Variants in NAALADL2 observed in about 807,000 individuals in gnomAD.
NAALADL2 encodes N-acetylated alpha-linked acidic dipeptidase like 2.
In NAALADL2, 76 loss-of-function variants were observed where a neutral mutation model predicts 87.2. The ratio of observed to expected loss-of-function variants is 0.87; its 90% CI spans 0.72 to 1.05. The LOEUF (loss-of-function observed/expected upper bound fraction) is 1.05. NAALADL2 is among the 50% of genes least tolerant of loss of function. The pLI, the probability that NAALADL2 is intolerant of heterozygous loss-of-function variation, is 0.00. For missense variants in NAALADL2, 1,089 were observed against 945.8 expected (o/e 1.15, Z -1.99); for synonymous variants, 354 against 331.0 (o/e 1.07, Z -0.75).
At chr3:175,492,853 C>T (rs889600060) in intron 9 of NAALADL2, among the ~76,000 whole-genome samples, 1 of 152,030 alleles carries the variant, frequency 6.6e-6, no homozygotes, top group East Asian at 1.9e-4. Flanking sequence ...TTCATAACTA[C>T]GTGACTGATA....
chr3:175,032,373 C>T (rs1752897921), intron 1 of NAALADL2, among the ~76,000 whole-genome samples: 1 of 151,962 alleles, frequency 6.6e-6, no homozygotes, highest in Non-Finnish European at 1.5e-5. Context: ...GCGGTAAGCT[C>T]TATTAAGCCT....
chr3:175,188,586 A>G (rs2109036848), intron 2 of NAALADL2, among the ~76,000 whole-genome samples: 1 of 152,186 alleles, frequency 6.6e-6, no homozygotes, highest in Admixed American at 6.5e-5. Context: ...CTCCAGGCCA[A>G]ATAGCTGCAA....
At chr3:175,228,290 A>G (rs1744447942) in intron 2 of NAALADL2, among the ~76,000 whole-genome samples, 1 of 151,990 alleles carries the variant, frequency 6.6e-6, no homozygotes, top group Non-Finnish European at 1.5e-5. Context: ...AGCTTAGGCC[A>G]TAATTCTTAA....
chr3:175,430,155 A>G (rs1201805169), intron 5 of NAALADL2, among the ~76,000 whole-genome samples: 3 of 151,886 alleles, frequency 2.0e-5, no homozygotes, highest in East Asian at 3.9e-4. Context: ...GGATCCTTTC[A>G]TCTTTAATAT....
At chr3:175,206,576 C>A (rs182395803) in intron 2 of NAALADL2, among the ~76,000 whole-genome samples, 2 of 151,122 alleles carry the variant, frequency 1.3e-5, no homozygotes, top group Non-Finnish European at 3.0e-5. Context: ...GGGAGGGGGG[C>A]GAAGGATAAA....
chr3:174,820,674 A>C (rs552048600), intron 3 of NAALADL2, among the ~76,000 whole-genome samples: 19 of 152,284 alleles, frequency 1.2e-4, no homozygotes, highest in African/African-American at 4.6e-4. Flanking sequence ...TCTCTATAGA[A>C]AATACTGCAA....
chr3:175,017,062 G>A (rs1409741319), intron 1 of NAALADL2, among the ~76,000 whole-genome samples: 1 of 151,964 alleles, frequency 6.6e-6, no homozygotes, highest in Non-Finnish European at 1.5e-5. Flanking sequence ...TACTTGCTTA[G>A]AGTATTTTAG....
chr3:175,187,308 G>A lies in NAALADL2; in HGVS notation c.546-46623G>A, dbSNP rs1580841675. ...ACAAGTGAGTTCATGACTATAGGAA[G>A]TGCTGTAACAGAAGCATTGATAAAA... On this transcript the variant is annotated intron_variant, in intron 2 of 13. Coordinates refer to ENST00000454872, the MANE Select transcript of NAALADL2 (RefSeq NM_207015.3). Among the ~76,000 whole-genome samples the A allele has an allele frequency of 2.0e-5, 3 of 152,332 alleles. No homozygotes were observed. In the South Asian group the frequency reaches 6.2e-4, roughly 32 times the overall value.
intron 8 of NAALADL2, among the ~76,000 whole-genome samples, chr3:175,470,306 T>A (rs1014043068): frequency 6.6e-6 from 1 of 152,080 alleles, no homozygotes; most frequent in African/African-American, 2.4e-5. Context: ...GTGAATATAC[T>A]TAGTAATAGA....
At chr3:174,834,996 A>G (rs916512376) in intron 3 of NAALADL2, among the ~76,000 whole-genome samples, 1 of 151,926 alleles carries the variant, frequency 6.6e-6, no homozygotes, top group Non-Finnish European at 1.5e-5. Context: ...AAATTTTTAA[A>G]AATTTAAAAA....
At chr3:174,859,630 T>A (rs1225051627) in intron 1 of NAALADL2, among the ~76,000 whole-genome samples, 180 bp downstream of exon 1, 2 of 152,108 alleles carry the variant, frequency 1.3e-5, no homozygotes, top group East Asian at 3.9e-4. Context: ...AGATTGTTGA[T>A]TCAGAGGAAG....
intron 4 of NAALADL2, among the ~76,000 whole-genome samples, chr3:175,287,570 T>A (rs1181836910): frequency 6.6e-6 from 1 of 152,074 alleles, no homozygotes. Context: ...ACTGTGGGAG[T>A]TTGAATTCAA....
chr3:175,550,811 G>C (rs61514186), intron 9 of NAALADL2, among the ~76,000 whole-genome samples: 2,262 of 152,268 alleles, frequency 0.015, 62 homozygotes, highest in African/African-American at 0.052. Context: ...CTGTGTATCA[G>C]GAATCTCTAG....
At chr3:174,483,642 T>C (rs1005476859) in intron 1 of NAALADL2, among the ~76,000 whole-genome samples, 2 of 152,122 alleles carry the variant, frequency 1.3e-5, no homozygotes, top group East Asian at 3.9e-4. Context: ...TAAAGTAACT[T>C]CCAGATAACT....
intron 2 of NAALADL2, among the ~76,000 whole-genome samples, chr3:175,111,929 C>T (rs187721606): frequency 6.6e-6 from 1 of 151,704 alleles, no homozygotes; most frequent in East Asian, 1.9e-4. Context: ...GGGATCAAAT[C>T]CCAACTCCAT....
intron 2 of NAALADL2, among the ~76,000 whole-genome samples, chr3:174,669,572 G>C (rs931258530): frequency 1.3e-5 from 2 of 151,970 alleles, no homozygotes; most frequent in African/African-American, 4.8e-5. Context: ...TTTATATCTA[G>C]GTTCTTTATT....
At chr3:174,539,020 G>A (rs886177288) in intron 1 of NAALADL2, among the ~76,000 whole-genome samples, 3 of 152,220 alleles carry the variant, frequency 2.0e-5, no homozygotes, top group Admixed American at 6.5e-5. Context: ...TAAATTTATT[G>A]AGATCTGTCT....
intron 2 of NAALADL2, among the ~76,000 whole-genome samples, chr3:175,167,077 C>T (rs1275774058): frequency 6.6e-6 from 1 of 152,034 alleles, no homozygotes; most frequent in Non-Finnish European, 1.5e-5. Context: ...CTTCCTGTCT[C>T]CATTCTTGTT....
chr3:175,164,431 T>C (rs1029898935), intron 2 of NAALADL2, among the ~76,000 whole-genome samples: 4 of 151,994 alleles, frequency 2.6e-5, no homozygotes, highest in African/African-American at 9.7e-5. Context: ...AAATAAAGAA[T>C]TAAAGGAAAG....
Sources: gnomAD v4.1 joint callset for allele counts (sites outside exome capture counted in the v4.1 genomes callset) on GRCh38, gnomAD v4.1.1 for gene constraint, MANE v1.5 for transcripts, NCBI Gene and HGNC (gene_info 2026-07-23, HGNC 2026-07-21) for gene names.